Variants in SPAG1 observed in about 807,000 individuals in gnomAD.
SPAG1 encodes sperm associated antigen 1, also known as sperm-associated antigen 1.
Under a neutral mutation model 100.5 loss-of-function variants are expected in SPAG1, and 69 were observed. That is an observed-to-expected ratio of 0.69 (90% confidence interval 0.57 to 0.84). SPAG1 has a LOEUF of 0.84. Among genes scored for constraint, SPAG1 ranks in the 40% least tolerant of loss-of-function variants. The pLI is 0.00. For missense variants in SPAG1, 955 were observed against 1,133.1 expected (o/e 0.84, Z 2.26); for synonymous variants, 336 against 411.6 (o/e 0.82, Z 2.22).
Position 100,184,650 on chromosome 8 carries a change from T to G in SPAG1, c.618T>G (p.Asp206Glu). ...TAGGTCTAACTGAGAAAGAAAAGGA[T>G]TTTCTTGCCACTCGTGAAAAGGAGA... ...DTAGLTEKEKDFLATREKEKG... is the reference protein window; with the variant it reads ...DTAGLTEKEKEFLATREKEKG... Residue 206 changes from aspartate (D) to glutamate (E), a missense_variant, in exon 7 of 19, where the codon GAT (aspartate) becomes GAG (glutamate). Asp to Glu is a conservative substitution (Grantham distance 45). Transcript: ENST00000388798. 2.5e-6 allele frequency: 4 copies of G among 1,578,784 alleles called. No homozygotes were observed. The highest frequency in any genetic ancestry group is 3.4e-6 in the Non-Finnish European group (4 of 1,167,892).
intron 5 of SPAG1, 64 bp downstream of exon 5, chr8:100,183,500 C>A: frequency 2.7e-6 from 2 of 732,464 alleles, no homozygotes; most frequent in Non-Finnish European, 2.3e-6. Flanking sequence ...CAAAATACTG[C>A]AATAATTTCT....
At chr8:100,166,364 T>A (rs1037753384) in intron 3 of SPAG1, among the ~76,000 whole-genome samples, 1 of 152,116 alleles carries the variant, frequency 6.6e-6, no homozygotes, top group East Asian at 1.9e-4. Flanking sequence ...GTTCAAGTGA[T>A]TCTCCTGCCT....
At chr8:100,171,886 T>C (rs1815870310) in intron 3 of SPAG1, among the ~76,000 whole-genome samples, 1 of 152,118 alleles carries the variant, frequency 6.6e-6, no homozygotes, top group Non-Finnish European at 1.5e-5. Flanking sequence ...AAGAAATCCC[T>C]TTATTGATTT....
intron 11 of SPAG1, among the ~76,000 whole-genome samples, 162 bp from the exon 12 acceptor site, chr8:100,213,657 T>A (rs573141080): frequency 1.6e-4 from 25 of 152,336 alleles, no homozygotes; most frequent in African/African-American, 6.0e-4. Flanking sequence ...CGCCGGGTTT[T>A]CCCTTGGTGG....
intron 10 of SPAG1, among the ~76,000 whole-genome samples, chr8:100,197,112 T>G (rs1334147457): frequency 2.6e-5 from 4 of 151,986 alleles, no homozygotes; most frequent in Non-Finnish European, 5.9e-5. Context: ...ATTTGAGAAT[T>G]TCTCCTCCAA....
intron 4 of SPAG1, among the ~76,000 whole-genome samples, chr8:100,182,043 G>T (rs1481154656): frequency 6.6e-6 from 1 of 152,196 alleles, no homozygotes; most frequent in Non-Finnish European, 1.5e-5. Flanking sequence ...TGAGCCTAAT[G>T]AGAATGAAGA....
Position 100,240,884 on chromosome 8 carries a change from CT to C in SPAG1, c.2650-3del. On this transcript the variant is annotated splice_region_variant and splice_polypyrimidine_tract_variant and intron_variant, in intron 18 of 18. Transcript: ENST00000388798. ...TTTTTGTTTTTTTTTTTTTTTGCTTCTTTTAGATGATGTTGACACTAATTAG... is the reference window on the plus strand; with the variant it reads ...TTTTTGTTTTTTTTTTTTTTTGCTTCTTTAGATGATGTTGACACTAATTAG... The C allele has an allele frequency of 3.1e-6, 4 of 1,287,372 alleles. No individual in the cohort carries two copies. Among genetic ancestry groups the C allele is most frequent in the Non-Finnish European group, 4.0e-6 (4 of 988,522 alleles). The allele number at this position is 1,287,372 out of a possible 1,614,324, so 79.7% of individuals were successfully genotyped here.
rs948882194 is a variant in SPAG1 at position 100,194,246 on chromosome 8, T to A, written c.1074T>A (p.His358Gln). The A allele has an allele frequency of 6.2e-7, 1 of 1,608,502 alleles. No individual in the cohort carries two copies. The highest frequency in any genetic ancestry group is 8.5e-7 in the Non-Finnish European group (1 of 1,175,260). The change falls in exon 10 of 19, where the codon CAT becomes CAA. Residue 358 changes from histidine to glutamine, a missense_variant. By Grantham distance (24) the His-to-Gln change is conservative. Transcript: ENST00000388798. ...AAGAAGGAAAAAGCGGAAGAAAACA[T>A]GAAGATGGCGGTGGAGATAAGAGTA... ...EDEEGKSGRK[H>Q]EDGGGDKKPA...
chr8:100,240,767 TTAAGG>T lies in SPAG1; in HGVS notation c.2649+1_2649+5del, dbSNP rs749808727. 6 of 1,584,524 alleles carry T rather than the reference TTAAGG, an allele frequency of 3.8e-6. No individual in the cohort carries two copies. The highest frequency in any genetic ancestry group is 4.3e-6 in the Non-Finnish European group (5 of 1,169,218). On this transcript the variant is annotated splice_donor_variant and coding_sequence_variant, in exon 18 of 19. Coordinates refer to ENST00000388798, the MANE Select transcript of SPAG1 (RefSeq NM_003114.5). LOFTEE classifies it high-confidence loss of function. ...TTATACCTGAGTAAAGCAGAAAGGT[TTAAGG>T]TAAGTGGCTAAGTATTTTATTAGTA...
chr8:100,224,537 A>G (rs1024246262), intron 13 of SPAG1, among the ~76,000 whole-genome samples: 1 of 152,200 alleles, frequency 6.6e-6, no homozygotes, highest in Non-Finnish European at 1.5e-5. Context: ...GTGAGACTCC[A>G]TCTCAAAAAC....
chr8:100,158,465 A>T (rs549505222), upstream of SPAG1: 5 of 152,350 alleles, frequency 3.3e-5, no homozygotes, highest in East Asian at 9.6e-4. Flanking sequence ...GCGCCGCTGT[A>T]CATAGAAACC....
At chr8:100,158,427 T>A (rs914181735), upstream of SPAG1, 2 of 152,216 alleles carry the variant, frequency 1.3e-5, no homozygotes, top group African/African-American at 4.8e-5. Context: ...GGCTGGGCTG[T>A]GGGGCTCCCC....
At chr8:100,171,934 G>A (rs1815874355) in intron 3 of SPAG1, among the ~76,000 whole-genome samples, 1 of 150,274 alleles carries the variant, frequency 6.7e-6, no homozygotes, top group African/African-American at 2.5e-5. Context: ...TCGCTCTATC[G>A]CCCGGGCTAG....
At chr8:100,214,357 C>A (rs1306116671) in intron 12 of SPAG1, among the ~76,000 whole-genome samples, 4 of 152,198 alleles carry the variant, frequency 2.6e-5, no homozygotes, top group Non-Finnish European at 5.9e-5. Flanking sequence ...TCTACTGGAC[C>A]ACTTGCTTAC....
At chr8:100,233,605 A>G in intron 16 of SPAG1, 68 bp downstream of exon 16, 1 of 1,446,882 alleles carries the variant, frequency 6.9e-7, no homozygotes, top group East Asian at 2.5e-5. Context: ...TCACAAGCAT[A>G]AATCTCCAGA....
intron 10 of SPAG1, among the ~76,000 whole-genome samples, chr8:100,201,359 A>G (rs1345641224): frequency 1.3e-5 from 2 of 152,096 alleles, no homozygotes; most frequent in African/African-American, 4.8e-5. Flanking sequence ...CCCTGGGCTC[A>G]AGACATTCTC....
Position 100,199,448 on chromosome 8 carries a change from TTTG to T in SPAG1, c.1096+5193_1096+5195del, listed in dbSNP as rs1001420524. 1.9e-4 allele frequency among the ~76,000 whole-genome samples: 29 copies of T among 152,316 alleles called. No homozygotes were observed. The East Asian group carries it at 3.7e-3, about 19-fold the overall frequency. The stretch of plus-strand genomic sequence containing the variant: ...GTCTATTCAAGTTCTTTGCCTTTTT[TTTG>T]TTGTTGTTGTTGAGATGGATTTTCA... On this transcript the variant is annotated intron_variant, in intron 10 of 18. Coordinates refer to ENST00000388798, the MANE Select transcript of SPAG1 (RefSeq NM_003114.5).
chr8:100,240,948 G>C lies in SPAG1; in HGVS notation c.2707G>C (p.Asp903His). 2 of 1,613,110 alleles carry C rather than the reference G, an allele frequency of 1.2e-6. No homozygotes were observed. The highest frequency in any genetic ancestry group is 1.7e-6 in the Non-Finnish European group (2 of 1,179,654). ...GGAGCTAATTGAACAGCTGTTTGAGGACCTTTCGGACACACCAAACAACCA... is the reference window on the plus strand; with the variant it reads ...GGAGCTAATTGAACAGCTGTTTGAGCACCTTTCGGACACACCAAACAACCA... ...QKELIEQLFE[D>H]LSDTPNNHFT... Residue 903 changes from aspartate (D) to histidine (H), a missense_variant, in exon 19 of 19, where the codon GAC becomes CAC. Physicochemically the swap from Asp to His is moderately conservative, Grantham distance 81. Coordinates refer to ENST00000388798, the MANE Select transcript of SPAG1 (RefSeq NM_003114.5).
chr8:100,228,955 G>T (rs1586542612), intron 14 of SPAG1, among the ~76,000 whole-genome samples: 1 of 152,156 alleles, frequency 6.6e-6, no homozygotes, highest in Non-Finnish European at 1.5e-5. Flanking sequence ...GTCTTGGCTT[G>T]TGTCACTGAA....
Sources: allele counts gnomAD v4.1 joint callset (sites outside exome capture counted in the v4.1 genomes callset), GRCh38; gene constraint gnomAD v4.1.1; transcripts MANE v1.5; gene names NCBI Gene and HGNC (gene_info 2026-07-23, HGNC 2026-07-21).